Variants in FBXO32 observed in about 807,000 individuals in gnomAD.
FBXO32 encodes the protein F-box only protein 32.
A neutral mutation model predicts 48.3 loss-of-function variants in FBXO32; 15 were observed. The observed-to-expected ratio is 0.31, with a 90% CI of 0.21 to 0.48. The LOEUF is 0.48. FBXO32 is among the 20% of genes least tolerant of loss of function. The probability of loss-of-function intolerance (pLI) is 0.99; values close to 1 mark genes in which losing one functional copy is unlikely to be tolerated. For synonymous variants in FBXO32, 154 were observed against 165.9 expected (o/e 0.93, Z 0.55); for missense variants, 309 against 432.7 (o/e 0.71, Z 2.54).
At chr8:123,526,590 G>C (rs1165951875) in intron 4 of FBXO32, among the ~76,000 whole-genome samples, 1 of 152,102 alleles carries the variant, frequency 6.6e-6, no homozygotes, top group Non-Finnish European at 1.5e-5. Flanking sequence ...TCTGCTCACT[G>C]ATCTCTGAAC....
At position 123,514,250 on chromosome 8, in the gene FBXO32, C is replaced by T. The variant is rs766883722; in HGVS notation, c.456G>A (p.Val152=). ...QKNFMNILEK[V]VLKVLEDQQN... ...TGAGAGAAGGCTCACCTTTCAGTAC[C>T]ACTTTTTCCAAAATATTCATGAAGT... Residue 152 remains valine (V), a synonymous_variant, in exon 5 of 9, where the codon GTG becomes GTA. Coordinates refer to ENST00000517956, the MANE Select transcript of FBXO32 (RefSeq NM_058229.4). The T allele has an allele frequency of 6.2e-7, 1 of 1,612,196 alleles. No homozygotes were observed.
At chr8:123,534,214 T>A (rs1034781754) in intron 2 of FBXO32, among the ~76,000 whole-genome samples, 1 of 151,532 alleles carries the variant, frequency 6.6e-6, no homozygotes, top group East Asian at 1.9e-4. Context: ...ATCAAACAGA[T>A]AACATGAGGA....
chr8:123,525,940 G>A lies in FBXO32; in HGVS notation c.372+5958C>T, dbSNP rs1008351783. On this transcript the variant is annotated intron_variant, in intron 4 of 8. Coordinates refer to ENST00000517956, the MANE Select transcript of FBXO32 (RefSeq NM_058229.4). The surrounding 1 kb of genome is among the most constrained non-coding windows in gnomAD (Gnocchi z 4.3). Reference sequence around the variant, plus strand: ...GGTGCTGTTTCTTGTTTTTTTTCCAGTGGCTTCCTCCTGCGTACTAGATAA... The same window carrying A: ...GGTGCTGTTTCTTGTTTTTTTTCCAATGGCTTCCTCCTGCGTACTAGATAA... 1.1e-4 allele frequency among the ~76,000 whole-genome samples: 17 copies of A among 151,726 alleles called. No individual in the cohort carries two copies. Among genetic ancestry groups the A allele is most frequent in the African/African-American group, 4.1e-4 (17 of 41,264 alleles).
Position 123,514,114 on chromosome 8 carries a change from G to T in FBXO32, c.466+126C>A, listed in dbSNP as rs879159315. 28 of 664,842 alleles carry T rather than the reference G, an allele frequency of 4.2e-5. No individual in the cohort carries two copies. The South Asian group carries it at 5.7e-4, about 14-fold the overall frequency. The allele number at this position is 664,842 out of a possible 1,614,324, so 41.2% of individuals were successfully genotyped here. On this transcript the variant is annotated intron_variant, in intron 5 of 8. Coordinates refer to ENST00000517956, the MANE Select transcript of FBXO32 (RefSeq NM_058229.4). Reference sequence around the variant, plus strand: ...TGGAATTTAGTGTCTCTAAAATGTAGCTGGAGTTATTCATTTCCATCCATT... The same window carrying T: ...TGGAATTTAGTGTCTCTAAAATGTATCTGGAGTTATTCATTTCCATCCATT...
At position 123,506,602 on chromosome 8, in the gene FBXO32, G is replaced by T. The variant is rs1393564680; in HGVS notation, c.652-28C>A. 9 of 1,555,304 alleles carry T rather than the reference G, an allele frequency of 5.8e-6. 1 individual carries two copies. The South Asian group carries it at 9.7e-5, about 17-fold the overall frequency. ...GCAGAGAGAAGGGTGACAATAGGTG[G>T]GGGGGCCAGAGAGCAGCGATTCACC... On this transcript the variant is annotated intron_variant, in intron 6 of 8. Coordinates refer to ENST00000517956, the MANE Select transcript of FBXO32 (RefSeq NM_058229.4). This position sits in a 1 kb window ranked among gnomAD's most constrained non-coding sequence, Gnocchi z 4.0.
At chr8:123,538,835 G>T (rs920296017) in intron 1 of FBXO32, among the ~76,000 whole-genome samples, 2 of 152,120 alleles carry the variant, frequency 1.3e-5, no homozygotes, top group African/African-American at 4.8e-5. Flanking sequence ...GACACGGGAG[G>T]GGGGCTGTGC....
intron 7 of FBXO32, 146 bp from the exon 8 acceptor site, chr8:123,504,893 A>G: frequency 1.5e-6 from 1 of 681,512 alleles, no homozygotes; most frequent in Non-Finnish European, 2.4e-6. Context: ...GTCACTATAT[A>G]AAGAAGTACC....
intron 5 of FBXO32, 178 bp downstream of exon 5, chr8:123,514,062 G>A (rs2130518063): frequency 3.8e-6 from 2 of 532,810 alleles, no homozygotes; most frequent in East Asian, 6.4e-5. Flanking sequence ...CCTTTGCCAT[G>A]AGGATGAGTT....
At position 123,506,122 on chromosome 8, in the gene FBXO32, G is replaced by A. The variant is rs1414851057; in HGVS notation, c.834+270C>T. Among the ~76,000 whole-genome samples the A allele has an allele frequency of 2.6e-5, 4 of 152,150 alleles. No individual in the cohort carries two copies. Among genetic ancestry groups the A allele is most frequent in the Non-Finnish European group, 4.4e-5 (3 of 68,008 alleles). On this transcript the variant is annotated intron_variant, in intron 7 of 8. Transcript: ENST00000517956. The surrounding 1 kb of genome is among the most constrained non-coding windows in gnomAD (Gnocchi z 4.0). ...CATGAGCCTGTAGTCCCAGCTACTC[G>A]GGAGGCTGAGGTGGGAGGGTTGCTT...
rs1224182646 is a variant in FBXO32 at position 123,540,321 on chromosome 8, A to G, written c.116+578T>C. 6.6e-6 allele frequency among the ~76,000 whole-genome samples: 1 copy of G among 152,122 alleles called. No individual in the cohort carries two copies. The highest frequency in any genetic ancestry group is 1.5e-5 in the Non-Finnish European group (1 of 68,004). ...CCACCGCTCGCAAGTCCGCCCAGTA[A>G]GCGGCTGCCCCAGGGACCATCTGGC... On this transcript the variant is annotated intron_variant, in intron 1 of 8. Transcript: ENST00000517956. This position sits in a 1 kb window ranked among gnomAD's most constrained non-coding sequence, Gnocchi z 6.4.
chr8:123,525,062 C>A lies in FBXO32; in HGVS notation c.372+6836G>T, dbSNP rs927284809. Among the ~76,000 whole-genome samples, 1 of 152,250 alleles carries A rather than the reference C, an allele frequency of 6.6e-6. No individual in the cohort carries two copies. The highest frequency in any genetic ancestry group is 2.4e-5 in the African/African-American group (1 of 41,462). On this transcript the variant is annotated intron_variant, in intron 4 of 8. Coordinates refer to ENST00000517956, the MANE Select transcript of FBXO32 (RefSeq NM_058229.4). This position sits in a 1 kb window ranked among gnomAD's most constrained non-coding sequence, Gnocchi z 4.3. Reference sequence around the variant, plus strand: ...TCAAGGCCCAGCAGGGGCTTGGCAACAGCATGCCCTTAATTTAAGGCATTG... The same window carrying A: ...TCAAGGCCCAGCAGGGGCTTGGCAAAAGCATGCCCTTAATTTAAGGCATTG...
chr8:123,516,056 T>C (rs973278180), intron 4 of FBXO32, among the ~76,000 whole-genome samples: 8 of 152,156 alleles, frequency 5.3e-5, no homozygotes, highest in Admixed American at 5.2e-4. Flanking sequence ...CTGGAAGGAA[T>C]CTTAAGAGAC....
At chr8:123,521,351 G>A in intron 4 of FBXO32, among the ~76,000 whole-genome samples, 1 of 152,226 alleles carries the variant, frequency 6.6e-6, no homozygotes, top group East Asian at 1.9e-4. Flanking sequence ...TGCTATAGAT[G>A]AGGTGGCTCA....
chr8:123,505,018 G>A (rs1477559974), intron 7 of FBXO32, among the ~76,000 whole-genome samples: 2 of 152,212 alleles, frequency 1.3e-5, no homozygotes, highest in Non-Finnish European at 2.9e-5. Flanking sequence ...TTACTCAACT[G>A]TGGCTGGATG....
chr8:123,541,111 G>A lies in FBXO32; in HGVS notation c.-97C>T. 1.5e-6 allele frequency: 1 copy of A among 665,184 alleles called. No individual in the cohort carries two copies. The highest frequency in any genetic ancestry group is 2.2e-6 in the Non-Finnish European group (1 of 452,764). The allele number at this position is 665,184 out of a possible 1,614,324, so 41.2% of individuals were successfully genotyped here. A position where few individuals can be genotyped will look rare whatever the true frequency, so the allele number is the denominator to read the frequency against. On this transcript the variant is annotated 5_prime_UTR_variant, in exon 1 of 9. Transcript: ENST00000517956. ...GCGGATGCTCGGGGTGCAGGGGCCCGCGACGGGGGCGGCGGGGCGGCGGGA... is the reference window on the plus strand; with the variant it reads ...GCGGATGCTCGGGGTGCAGGGGCCCACGACGGGGGCGGCGGGGCGGCGGGA...
At chr8:123,520,051 G>C (rs1816919376) in intron 4 of FBXO32, among the ~76,000 whole-genome samples, 1 of 152,228 alleles carries the variant, frequency 6.6e-6, no homozygotes, top group Non-Finnish European at 1.5e-5. Context: ...GCCTCCCAAA[G>C]TGTTGGGATT....
intron 1 of FBXO32, 39 bp from the exon 2 acceptor site, chr8:123,534,853 G>T: frequency 7.5e-7 from 1 of 1,326,460 alleles, no homozygotes; most frequent in South Asian, 1.2e-5. Context: ...AGCTGTAACA[G>T]CTATACATGA....
intron 2 of FBXO32, among the ~76,000 whole-genome samples, chr8:123,533,546 G>A (rs1399847035): frequency 1.3e-5 from 2 of 152,126 alleles, no homozygotes; most frequent in African/African-American, 2.4e-5. Flanking sequence ...AGTGGCTCAT[G>A]CCTGAAATCC....
chr8:123,503,689 C>T (rs1816548801), intron 8 of FBXO32, among the ~76,000 whole-genome samples: 1 of 152,086 alleles, frequency 6.6e-6, no homozygotes, highest in South Asian at 2.1e-4. Flanking sequence ...GAAGGGGATG[C>T]AGAGAAGTGG....
Sources: allele counts gnomAD v4.1 joint callset (sites outside exome capture counted in the v4.1 genomes callset), GRCh38; gene constraint gnomAD v4.1.1; non-coding constraint Gnocchi (gnomAD v3.1); transcripts MANE v1.5; gene names NCBI Gene and HGNC (gene_info 2026-07-23, HGNC 2026-07-21).